The following CYFIP2 variants were observed in gnomAD, a reference collection of about 807,000 sequenced individuals.
CYFIP2 encodes cytoplasmic FMR1 interacting protein 2, also known as cytoplasmic FMR1-interacting protein 2.
Under a neutral mutation model 158.7 loss-of-function variants are expected in CYFIP2, and 29 were observed. The ratio of observed to expected loss-of-function variants is 0.18; its 90% CI spans 0.14 to 0.25. The LOEUF (loss-of-function observed/expected upper bound fraction) is 0.25. Ranked by LOEUF, CYFIP2 falls within the 10% of genes least tolerant of loss-of-function variation. The pLI is 1.00. For missense variants in CYFIP2, 852 were observed against 1,639.5 expected (o/e 0.52, Z 8.29); for synonymous variants, 585 against 617.6 (o/e 0.95, Z 0.78).
intron 23 of CYFIP2, among the ~76,000 whole-genome samples, chr5:157,344,462 G>A (rs1581108180): frequency 6.6e-6 from 1 of 152,198 alleles, no homozygotes; most frequent in East Asian, 1.9e-4. Context: ...ATGCAAGGCT[G>A]CCGGGTTTAG....
rs1011540558 is a variant in CYFIP2 at position 157,355,652 on chromosome 5, A to G, written c.2674-3353A>G. 1.2e-4 allele frequency among the ~76,000 whole-genome samples: 19 copies of G among 152,362 alleles called. No individual in the cohort carries two copies. In the East Asian group the frequency reaches 1.3e-3, roughly 11 times the overall value. Reference sequence around the variant, plus strand: ...GAAGTCAGAGAATCAGACAGAAAATATAAGTAGATGATTGCTTTTTGTCCC... The same window carrying G: ...GAAGTCAGAGAATCAGACAGAAAATGTAAGTAGATGATTGCTTTTTGTCCC... On this transcript the variant is annotated intron_variant, in intron 23 of 30. Transcript: ENST00000620254.
rs572931742 is a variant in CYFIP2, at chr5:157,321,924, A to G, written c.1671+1122A>G. 3.3e-5 allele frequency among the ~76,000 whole-genome samples: 5 copies of G among 152,328 alleles called. No homozygotes were observed. The East Asian group carries it at 9.6e-4, about 29-fold the overall frequency. ...CGGGAGACACTGAGCAGGGCTTTCAAGTGTTTCTGTAAATTTTAAGACATG... is the reference window on the plus strand; with the variant it reads ...CGGGAGACACTGAGCAGGGCTTTCAGGTGTTTCTGTAAATTTTAAGACATG... On this transcript the variant is annotated intron_variant, in intron 15 of 30. Transcript: ENST00000620254.
rs566420283 is a variant in CYFIP2, at chr5:157,296,738, G to A, written c.351G>A (p.Pro117=). ...IYEKTVEVLE[P]EVTKLMKFMY... ...AGAAGACAGTAGAGGTGCTGGAGCC[G>A]GAGGTCACCAAGCTCATGAAGTTCA... is the stretch of plus-strand genomic sequence containing the variant. Residue 117 remains proline, a synonymous_variant, in exon 5 of 31, where the codon CCG becomes CCA. Transcript: ENST00000620254. 2.5e-5 allele frequency: 40 copies of A among 1,613,770 alleles called. No individual in the cohort carries two copies. The highest frequency in any genetic ancestry group is 1.5e-4 in the Admixed American group (9 of 60,018).
At chr5:157,338,279 T>TGACTGCA (rs529313139) in intron 21 of CYFIP2, among the ~76,000 whole-genome samples, 2 of 152,242 alleles carry the variant, frequency 1.3e-5, no homozygotes, top group African/African-American at 4.8e-5. Flanking sequence ...CATCATGAGC[T>TGACTGCA]GACTGCAGAC....
At chr5:157,383,437 C>A in intron 28 of CYFIP2, 78 bp downstream of exon 28, 1 of 1,341,792 alleles carries the variant, frequency 7.5e-7, no homozygotes, top group Non-Finnish European at 1.0e-6. Context: ...CCTCATTGTA[C>A]AGGTCAGGAA....
chr5:157,297,091 T>C (rs1200345975), intron 5 of CYFIP2, among the ~76,000 whole-genome samples: 3 of 152,234 alleles, frequency 2.0e-5, no homozygotes, highest in Non-Finnish European at 1.5e-5. Context: ...GTGCCTGTGA[T>C]GTGAGTGCTG....
At chr5:157,304,161 G>GT (rs2113899396) in intron 7 of CYFIP2, 77 bp from the exon 8 acceptor site, 1 of 1,525,976 alleles carries the variant, frequency 6.6e-7, no homozygotes, top group African/African-American at 1.4e-5. Context: ...CCGGCCAGCT[G>GT]TAGGGCTTCT....
intron 8 of CYFIP2, among the ~76,000 whole-genome samples, chr5:157,307,346 C>T (rs1171122303): frequency 6.6e-6 from 1 of 152,192 alleles, no homozygotes; most frequent in African/African-American, 2.4e-5. Flanking sequence ...ATATTGTCAA[C>T]AGATCCTGTT....
chr5:157,358,876 C>T (rs986449705), intron 23 of CYFIP2, 129 bp from the exon 24 acceptor site: 12 of 1,207,964 alleles, frequency 9.9e-6, no homozygotes, highest in African/African-American at 1.5e-5. Context: ...CAAACATATT[C>T]ATGGGGCTCC....
At position 157,327,937 on chromosome 5, in the gene CYFIP2, G is replaced by A. The variant is rs772631262; in HGVS notation, c.2080-36G>A. On this transcript the variant is annotated intron_variant, in intron 18 of 30. Transcript: ENST00000620254. ...CTCAGTTTCTGTCATAAAGCTGAAC[G>A]GGCACCAGTGATGTTTCCTGCTTCC... is the stretch of plus-strand genomic sequence containing the variant. The A allele has an allele frequency of 8.1e-6, 13 of 1,601,712 alleles. No individual in the cohort carries two copies. In the Middle Eastern group the frequency reaches 5.0e-4, roughly 61 times the overall value.
At chr5:157,320,563 TC>T (rs1760511736) in intron 14 of CYFIP2, 91 bp from the exon 15 acceptor site, 3 of 1,531,232 alleles carry the variant, frequency 2.0e-6, no homozygotes, top group Non-Finnish European at 2.7e-6. Flanking sequence ...ATGTGGGTGT[TC>T]CTGGGACACC....
At chr5:157,351,221 A>G (rs576711060) in intron 23 of CYFIP2, among the ~76,000 whole-genome samples, 75 of 152,128 alleles carry the variant, frequency 4.9e-4, no homozygotes, top group Non-Finnish European at 8.4e-4. Context: ...ATGTCTGTAA[A>G]GTCCTGGGCT....
intron 1 of CYFIP2, among the ~76,000 whole-genome samples, chr5:157,277,829 A>G (rs1328406817): frequency 6.6e-6 from 1 of 152,186 alleles, no homozygotes; most frequent in Non-Finnish European, 1.5e-5. Flanking sequence ...GGGCCAAGAA[A>G]ACATCATAGA....
In CYFIP2 at chr5:157,339,131, C is replaced by G; in HGVS notation, c.2460C>G (p.Phe820Leu). Residue 820 changes from phenylalanine to leucine, a missense_variant, in exon 22 of 31, where the codon TTC becomes TTG. Transcript: ENST00000620254. The part of the protein sequence containing the change: ...LLCKHMTLDS[F>L]DAMFREANHN... ...GTAAGCATATGACGCTGGACAGCTT[C>G]GATGCCATGTTCCGAGAGGCCAATC... 1.2e-6 allele frequency: 2 copies of G among 1,614,020 alleles called. No homozygotes were observed. Among genetic ancestry groups the G allele is most frequent in the East Asian group, 2.2e-5 (1 of 44,888 alleles).
intron 23 of CYFIP2, among the ~76,000 whole-genome samples, chr5:157,352,691 C>T: frequency 6.6e-6 from 1 of 152,192 alleles, no homozygotes; most frequent in East Asian, 1.9e-4. Context: ...GTTTAGAAGG[C>T]TGAGAATGTT....
intron 13 of CYFIP2, 108 bp downstream of exon 13, chr5:157,315,202 C>T (rs923021994): frequency 1.4e-6 from 2 of 1,442,514 alleles, no homozygotes; most frequent in Non-Finnish European, 1.9e-6. Context: ...AATTTTCGTG[C>T]TCTTCCCTGT....
At chr5:157,316,390 T>C (rs1227838516) in intron 13 of CYFIP2, among the ~76,000 whole-genome samples, 7 of 152,358 alleles carry the variant, frequency 4.6e-5, no homozygotes, top group Non-Finnish European at 8.8e-5. Context: ...ATTCCACTTA[T>C]ACCAAAATAT....
At chr5:157,313,700 G>T (rs1427957945) in intron 11 of CYFIP2, among the ~76,000 whole-genome samples, 1 of 152,140 alleles carries the variant, frequency 6.6e-6, no homozygotes, top group Non-Finnish European at 1.5e-5. Context: ...ATGAGGACTG[G>T]CTGTATATGT....
At chr5:157,340,933 AG>A (rs1762205183) in intron 22 of CYFIP2, 136 bp from the exon 23 acceptor site, 2 of 732,422 alleles carry the variant, frequency 2.7e-6, no homozygotes, top group Admixed American at 4.5e-5. Context: ...GTACCTTTAT[AG>A]TCAACCACCT....
Sources: allele counts gnomAD v4.1 joint callset (sites outside exome capture counted in the v4.1 genomes callset), GRCh38; gene constraint gnomAD v4.1.1; transcripts MANE v1.5; gene names NCBI Gene and HGNC (gene_info 2026-07-23, HGNC 2026-07-21).